PIWIL3: variants seen among roughly 807,000 people sequenced by gnomAD.
The protein encoded by PIWIL3 is piwi like RNA-mediated gene silencing 3, also known as piwi-like protein 3.
PIWIL3 carries 101 observed loss-of-function variants against 109.7 expected under a neutral mutation model. The observed-to-expected ratio is 0.92, with a 90% CI of 0.78 to 1.09. PIWIL3 has a LOEUF of 1.09. PIWIL3 is among the 50% of genes least tolerant of loss of function. The pLI is 0.00. For synonymous variants in PIWIL3, 373 were observed against 376.4 expected, an observed-to-expected ratio of 0.99 and a Z score of 0.10; for missense variants, 1,031 against 1,072.6, an observed-to-expected ratio of 0.96 and a Z score of 0.54.
intron 1 of PIWIL3, among the ~76,000 whole-genome samples, chr22:24,766,495 A>AT (rs1419786020): frequency 2.7e-5 from 4 of 149,726 alleles, no homozygotes; most frequent in Admixed American, 2.7e-4. Context: ...ATTTTTTTGT[A>AT]TTTTTTTTAG....
intron 13 of PIWIL3, 65 bp from the exon 14 acceptor site, chr22:24,734,221 G>C (rs1923521047): frequency 1.3e-6 from 2 of 1,568,084 alleles, no homozygotes; most frequent in African/African-American, 2.8e-5. Context: ...GTTTCACCCA[G>C]CAAATTAAAT....
At chr22:24,729,104 T>G (rs1328373825) in intron 14 of PIWIL3, among the ~76,000 whole-genome samples, 1 of 152,168 alleles carries the variant, frequency 6.6e-6, no homozygotes, top group African/African-American at 2.4e-5. Flanking sequence ...CATGGGAAGT[T>G]GCATAAGGGG....
At position 24,724,935 on chromosome 22, in the gene PIWIL3, T is replaced by C. The variant is rs769688948; in HGVS notation, c.2183A>G (p.His728Arg). ...GTAGGTCGACATCTTTTTCGCTTCA[T>C]GGTCAAGCAATGCTTGAAGCTGACC... ...GDGQLQALLDHEAKKMSTYLK... is the reference protein window; with the variant it reads ...GDGQLQALLDREAKKMSTYLK... The change falls in exon 18 of 21, where the codon CAT (histidine) becomes CGT (arginine). Residue 728 changes from histidine (H) to arginine (R), a missense_variant. Coordinates refer to ENST00000616349, the MANE Select transcript of PIWIL3 (RefSeq NM_001255975.1). The C allele has an allele frequency of 6.2e-7, 1 of 1,614,186 alleles. No homozygotes were observed.
intron 19 of PIWIL3, among the ~76,000 whole-genome samples, chr22:24,722,362 G>A (rs982787989): frequency 6.6e-6 from 1 of 151,998 alleles, no homozygotes; most frequent in South Asian, 2.1e-4. Context: ...GATTACAGGT[G>A]TGAGCCACCG....
chr22:24,740,147 G>A (rs1289034592), intron 12 of PIWIL3, among the ~76,000 whole-genome samples: 1 of 146,278 alleles, frequency 6.8e-6, no homozygotes, highest in Non-Finnish European at 1.5e-5. Context: ...GAACCCAGGA[G>A]GTGGAGTTTG....
chr22:24,731,790 C>G (rs1412140333), intron 14 of PIWIL3, among the ~76,000 whole-genome samples: 1 of 152,156 alleles, frequency 6.6e-6, no homozygotes, highest in African/African-American at 2.4e-5. Context: ...CAGGCCTTCT[C>G]CCTGTAACTC....
chr22:24,740,859 T>G (rs1923964233), intron 12 of PIWIL3, among the ~76,000 whole-genome samples: 1 of 152,198 alleles, frequency 6.6e-6, no homozygotes, highest in Admixed American at 6.5e-5. Context: ...CCAATCCTAC[T>G]GAAACTATTC....
chr22:24,747,526 G>A (rs908923032), intron 12 of PIWIL3, among the ~76,000 whole-genome samples: 1 of 152,128 alleles, frequency 6.6e-6, no homozygotes, highest in Admixed American at 6.5e-5. Context: ...CACAGAATGG[G>A]AGAAAATATT....
chr22:24,744,877 A>G (rs1924262207), intron 12 of PIWIL3, among the ~76,000 whole-genome samples: 1 of 152,190 alleles, frequency 6.6e-6, no homozygotes, highest in South Asian at 2.1e-4. Context: ...CCTGCACTAT[A>G]CACCAGAGGG....
intron 8 of PIWIL3, among the ~76,000 whole-genome samples, chr22:24,752,988 T>C (rs1924801590): frequency 6.6e-6 from 1 of 152,274 alleles, no homozygotes; most frequent in Non-Finnish European, 1.5e-5. Context: ...TGGAGAAGTA[T>C]CTAATCAGAT....
chr22:24,726,531 C>T (rs1187158234), intron 16 of PIWIL3, among the ~76,000 whole-genome samples: 7 of 152,078 alleles, frequency 4.6e-5, no homozygotes, highest in African/African-American at 1.2e-4. Flanking sequence ...GTGATCTGCC[C>T]GCCTCAGCCT....
chr22:24,760,910 G>T (rs1057171941), intron 2 of PIWIL3, among the ~76,000 whole-genome samples: 1 of 151,670 alleles, frequency 6.6e-6, no homozygotes, highest in African/African-American at 2.4e-5. Flanking sequence ...GAGCTGTTTG[G>T]GCCAGAGGCC....
chr22:24,733,237 C>T (rs1263268824), intron 14 of PIWIL3, among the ~76,000 whole-genome samples: 1 of 152,202 alleles, frequency 6.6e-6, no homozygotes, highest in African/African-American at 2.4e-5. Context: ...CTTCCCACCT[C>T]TACCCCTCAA....
intron 18 of PIWIL3, among the ~76,000 whole-genome samples, chr22:24,724,495 C>A (rs1414685628): frequency 6.6e-6 from 1 of 150,750 alleles, no homozygotes; most frequent in East Asian, 1.9e-4. Context: ...AATGCAATGG[C>A]GCGATCTCGG....
At chr22:24,757,861 GT>G in intron 4 of PIWIL3, 46 bp downstream of exon 4, 1 of 1,402,192 alleles carries the variant, frequency 7.1e-7, no homozygotes, top group Non-Finnish European at 9.5e-7. Flanking sequence ...AAAAAAAAAA[GT>G]TAAAAACGAA....
chr22:24,719,888 A>C lies in PIWIL3; in HGVS notation c.2365T>G (p.Phe789Val). The C allele has an allele frequency of 1.2e-6, 2 of 1,609,486 alleles. No individual in the cohort carries two copies. Among genetic ancestry groups the C allele is most frequent in the Non-Finnish European group, 1.7e-6 (2 of 1,176,720 alleles). ...TGCACAGACTGACTCACAATAAAAA[A>C]GTCATACCTGGAAATATAGGACATG... The part of the protein sequence containing the change: ...VELTRNEWYD[F>V]FIVSQSVQDG... Residue 789 changes from phenylalanine (F) to valine (V), a missense_variant, in exon 20 of 21, where the codon TTT (phenylalanine) becomes GTT (valine). Transcript: ENST00000616349.
At chr22:24,756,246 C>A (rs925604643) in intron 5 of PIWIL3, among the ~76,000 whole-genome samples, 1 of 151,390 alleles carries the variant, frequency 6.6e-6, no homozygotes, top group Admixed American at 6.6e-5. Context: ...AAAAAAGTAT[C>A]CAAACTTTGT....
At chr22:24,740,983 T>C (rs1157600240) in intron 12 of PIWIL3, among the ~76,000 whole-genome samples, 1 of 152,158 alleles carries the variant, frequency 6.6e-6, no homozygotes, top group Admixed American at 6.5e-5. Flanking sequence ...TCAATCTTCC[T>C]GGTGAACATA....
At chr22:24,732,603 C>T (rs547991480) in intron 14 of PIWIL3, among the ~76,000 whole-genome samples, 2 of 152,224 alleles carry the variant, frequency 1.3e-5, no homozygotes, top group East Asian at 3.9e-4. Context: ...GCAGGTGGAT[C>T]ACGAGGTCAG....
Sources: gnomAD v4.1 joint callset for allele counts (sites outside exome capture counted in the v4.1 genomes callset) on GRCh38, gnomAD v4.1.1 for gene constraint, MANE v1.5 for transcripts, NCBI Gene and HGNC (gene_info 2026-07-23, HGNC 2026-07-21) for gene names.